The following PLEKHA7 variants were observed in gnomAD, a reference collection of about 807,000 sequenced individuals.
PLEKHA7 encodes the protein pleckstrin homology domain-containing family A member 7.
Under a neutral mutation model 170.0 loss-of-function variants are expected in PLEKHA7, and 104 were observed. That is an observed-to-expected ratio of 0.61 (90% confidence interval 0.52 to 0.72). The LOEUF is 0.72. PLEKHA7 is among the 30% of genes least tolerant of loss of function. PLEKHA7 has a pLI of 0.00. For missense variants in PLEKHA7, 1,615 were observed against 1,671.7 expected, an observed-to-expected ratio of 0.97 and a Z score of 0.59; for synonymous variants, 648 against 660.8, an observed-to-expected ratio of 0.98 and a Z score of 0.30.
intron 13 of PLEKHA7, chr11:16,807,271 C>T (rs1849053474): frequency 1.2e-6 from 1 of 840,996 alleles, no homozygotes. Context: ...ACAGGTGAGA[C>T]ATCAAATGAC....
intron 3 of PLEKHA7, among the ~76,000 whole-genome samples, chr11:16,894,553 A>T (rs1253048170): frequency 6.6e-6 from 1 of 152,234 alleles, no homozygotes; most frequent in Non-Finnish European, 1.5e-5. Context: ...CAGTGGAAAG[A>T]GTGTGGCTTT....
intron 3 of PLEKHA7, among the ~76,000 whole-genome samples, chr11:16,959,870 T>C (rs1361789290): frequency 2.6e-5 from 4 of 152,122 alleles, no homozygotes; most frequent in East Asian, 1.9e-4. Context: ...CTGTACCTAC[T>C]TCCCCCCAGG....
intron 13 of PLEKHA7, among the ~76,000 whole-genome samples, chr11:16,811,751 T>C (rs1849389090): frequency 6.6e-6 from 1 of 152,194 alleles, no homozygotes; most frequent in Non-Finnish European, 1.5e-5. Context: ...GTCTTTTTGC[T>C]CATAGCATCC....
intron 9 of PLEKHA7, among the ~76,000 whole-genome samples, chr11:16,837,073 TTCGGCC>T (rs746476557): frequency 1.2e-4 from 19 of 152,172 alleles, no homozygotes; most frequent in Non-Finnish European, 2.6e-4. Flanking sequence ...GTCCGCCTGC[TTCGGCC>T]TCCCAAAGTG....
At chr11:16,935,830 C>A (rs1332065614) in intron 3 of PLEKHA7, among the ~76,000 whole-genome samples, 1 of 152,162 alleles carries the variant, frequency 6.6e-6, no homozygotes, top group African/African-American at 2.4e-5. Context: ...TTTTTTATCA[C>A]CAGAATTCAC....
chr11:16,883,579 T>C (rs384735), intron 3 of PLEKHA7, among the ~76,000 whole-genome samples: 72,097 of 151,990 alleles, frequency 0.47, 17,622 homozygotes, highest in Non-Finnish European at 0.54. Context: ...CCCCAAGTCA[T>C]CCTTTCTTTT....
intron 4 of PLEKHA7, among the ~76,000 whole-genome samples, chr11:16,856,163 T>C (rs113375121): frequency 3.3e-5 from 5 of 152,176 alleles, no homozygotes; most frequent in Non-Finnish European, 4.4e-5. Flanking sequence ...GAGGACAGAC[T>C]GTCATCCCTG....
At chr11:16,797,954 T>C (rs763197633) in intron 17 of PLEKHA7, among the ~76,000 whole-genome samples, 2 of 152,152 alleles carry the variant, frequency 1.3e-5, no homozygotes, top group African/African-American at 4.8e-5. Flanking sequence ...GATGGAATTT[T>C]GGGCCTTCAT....
chr11:16,819,400 C>T (rs767202307), intron 10 of PLEKHA7, among the ~76,000 whole-genome samples: 2 of 152,162 alleles, frequency 1.3e-5, no homozygotes, highest in African/African-American at 2.4e-5. Context: ...ACCCAGCCTC[C>T]AACTTATTTT....
At chr11:16,792,329 GAAT>G (rs1183219436) in intron 19 of PLEKHA7, among the ~76,000 whole-genome samples, 4 of 151,932 alleles carry the variant, frequency 2.6e-5, no homozygotes, top group Non-Finnish European at 2.9e-5. Flanking sequence ...TATCTTTTGA[GAAT>G]ATTATCTAAT....
chr11:16,862,804 C>G (rs1056378107), intron 4 of PLEKHA7, among the ~76,000 whole-genome samples: 11 of 152,174 alleles, frequency 7.2e-5, no homozygotes, highest in Admixed American at 7.2e-4. Context: ...TCTCCTAGTC[C>G]AGGGAAGAAA....
chr11:16,816,150 G>T, intron 12 of PLEKHA7, 28 bp downstream of exon 12: 1 of 1,563,920 alleles, frequency 6.4e-7, no homozygotes. Flanking sequence ...ATAGGGCTTT[G>T]CAGGCTATGT....
At chr11:16,956,821 G>A (rs1294149145) in intron 3 of PLEKHA7, among the ~76,000 whole-genome samples, 2 of 152,148 alleles carry the variant, frequency 1.3e-5, no homozygotes, top group Non-Finnish European at 1.5e-5. Context: ...GGTCTCTGGC[G>A]GTTATAATGT....
chr11:16,821,266 A>G (rs1330766093), intron 10 of PLEKHA7, among the ~76,000 whole-genome samples: 1 of 152,122 alleles, frequency 6.6e-6, no homozygotes, highest in African/African-American at 2.4e-5. Flanking sequence ...TCTGTTCCTT[A>G]TTGTAGTGTT....
intron 10 of PLEKHA7, among the ~76,000 whole-genome samples, chr11:16,821,774 A>T (rs1475030427): frequency 1.3e-5 from 2 of 152,356 alleles, no homozygotes. Context: ...ACAAGAGGAT[A>T]ATCAGAGACT....
intron 3 of PLEKHA7, among the ~76,000 whole-genome samples, chr11:16,964,622 C>G (rs1198595766): frequency 6.6e-6 from 1 of 152,204 alleles, no homozygotes; most frequent in African/African-American, 2.4e-5. Context: ...GGGATTCCTT[C>G]AGTTTGGTAA....
intron 4 of PLEKHA7, among the ~76,000 whole-genome samples, chr11:16,859,081 G>A (rs61882017): frequency 6.6e-6 from 1 of 152,228 alleles, no homozygotes; most frequent in Non-Finnish European, 1.5e-5. Flanking sequence ...AACTATATAT[G>A]CCCCAGGGAA....
At chr11:16,932,689 A>C (rs1860028580) in intron 3 of PLEKHA7, among the ~76,000 whole-genome samples, 1 of 152,242 alleles carries the variant, frequency 6.6e-6, no homozygotes, top group Non-Finnish European at 1.5e-5. Context: ...AATACTGATA[A>C]TAAATAAGCA....
At chr11:16,858,570 G>A (rs1853669383) in intron 4 of PLEKHA7, among the ~76,000 whole-genome samples, 1 of 149,984 alleles carries the variant, frequency 6.7e-6, no homozygotes, top group Non-Finnish European at 1.5e-5. Context: ...TCGGCTCACT[G>A]CAACCTCCGC....
Sources: gnomAD v4.1 joint callset for allele counts (sites outside exome capture counted in the v4.1 genomes callset) on GRCh38, gnomAD v4.1.1 for gene constraint, MANE v1.5 for transcripts, NCBI Gene and HGNC (gene_info 2026-07-23, HGNC 2026-07-21) for gene names.